VWA3B: variants seen among roughly 807,000 people sequenced by gnomAD.
The protein encoded by VWA3B is von Willebrand factor A domain containing 3B.
In VWA3B, 138 loss-of-function variants were observed where a neutral mutation model predicts 158.3. That is an observed-to-expected ratio of 0.87 (90% confidence interval 0.76 to 1.00). The LOEUF (loss-of-function observed/expected upper bound fraction) is 1.00, where lower values mean the gene tolerates loss of function less well. Ranked by LOEUF, VWA3B falls within the 50% of genes least tolerant of loss-of-function variation. The pLI is 0.00. For synonymous variants in VWA3B, 596 were observed against 587.3 expected (o/e 1.01, Z -0.21); for missense variants, 1,555 against 1,565.1 (o/e 0.99, Z 0.11).
intron 7 of VWA3B, among the ~76,000 whole-genome samples, chr2:98,150,769 C>G (rs899197544): frequency 2.0e-5 from 3 of 152,164 alleles, no homozygotes; most frequent in African/African-American, 7.2e-5. Context: ...TTCTAAAATT[C>G]GATTCATCTC....
intron 12 of VWA3B, among the ~76,000 whole-genome samples, chr2:98,199,379 C>T (rs1328292704): frequency 6.6e-6 from 1 of 152,132 alleles, no homozygotes; most frequent in Non-Finnish European, 1.5e-5. Context: ...TGAGATTTTA[C>T]CTTTCTTGCA....
intron 15 of VWA3B, among the ~76,000 whole-genome samples, chr2:98,229,620 G>T (rs1685188456): frequency 6.6e-6 from 1 of 152,202 alleles, no homozygotes; most frequent in South Asian, 2.1e-4. Context: ...GTGCTTGCTG[G>T]TAGACACTGA....
intron 5 of VWA3B, among the ~76,000 whole-genome samples, chr2:98,124,035 G>A (rs1461824275): frequency 6.6e-6 from 1 of 152,210 alleles, no homozygotes; most frequent in East Asian, 1.9e-4. Context: ...GAGACCAAGT[G>A]AGTGGATTAA....
intron 7 of VWA3B, among the ~76,000 whole-genome samples, chr2:98,139,906 C>T (rs1317432907): frequency 1.3e-5 from 2 of 152,172 alleles, no homozygotes; most frequent in African/African-American, 4.8e-5. Context: ...CTTGCTACTG[C>T]TCACTCTTTG....
rs764792139 is a variant in VWA3B at position 98,303,729 on chromosome 2, A to C, written c.3448A>C (p.Lys1150Gln). 52 of 1,614,040 alleles carry C rather than the reference A, an allele frequency of 3.2e-5. No homozygotes were observed. Among genetic ancestry groups the C allele is most frequent in the Non-Finnish European group, 4.1e-5 (48 of 1,180,036 alleles). Reference protein sequence around the residue: ...REFCPRSALIKISQNKYALSC... With the variant: ...REFCPRSALIQISQNKYALSC... ...ATTTTGCCCTCGGAGTGCACTTATT[A>C]AGATCAGCCAAAACAAGTATGCGCT... The change falls in exon 26 of 28, where the codon AAG becomes CAG. Residue 1150 changes from lysine (K) to glutamine (Q), a missense_variant. Coordinates refer to ENST00000477737, the MANE Select transcript of VWA3B (RefSeq NM_144992.5).
At chr2:98,101,969 G>C (rs1683106918) in intron 2 of VWA3B, among the ~76,000 whole-genome samples, 1 of 152,128 alleles carries the variant, frequency 6.6e-6, no homozygotes, top group Admixed American at 6.6e-5. Context: ...AAGGTCAGCA[G>C]ATAAACACGT....
intron 7 of VWA3B, among the ~76,000 whole-genome samples, chr2:98,139,287 G>A (rs1397725431): frequency 7.9e-5 from 12 of 152,182 alleles, no homozygotes. Flanking sequence ...GCCTTCCCCC[G>A]CCTCCGTGGG....
intron 7 of VWA3B, among the ~76,000 whole-genome samples, chr2:98,155,510 G>A (rs201057729): frequency 9.2e-5 from 14 of 152,086 alleles, no homozygotes; most frequent in East Asian, 5.8e-4. Flanking sequence ...TCTGAGCCTC[G>A]GTGTGCTCAT....
In VWA3B at chr2:98,172,294, A is replaced by G. The variant is rs138029631; in HGVS notation, c.1115-8722A>G. Reference sequence around the variant, plus strand: ...TTCCCCTGGAGTCAGGCGGCTTGGCAGCCTGGGCTCTCCTCTGACTGCCCC... The same window carrying G: ...TTCCCCTGGAGTCAGGCGGCTTGGCGGCCTGGGCTCTCCTCTGACTGCCCC... On this transcript the variant is annotated intron_variant, in intron 8 of 27. Transcript: ENST00000477737. Among the ~76,000 whole-genome samples, 1,155 of 152,286 alleles carry G rather than the reference A, an allele frequency of 7.6e-3. 11 individuals are homozygous for G. The highest frequency in any genetic ancestry group is 0.026 in the African/African-American group (1,087 of 41,546).
Position 98,188,089 on chromosome 2 carries a change from A to T in VWA3B, c.1426A>T (p.Ser476Cys), listed in dbSNP as rs924643255. ...NITKEKCKWY[S>C]ERIHTALARI... is the part of the protein sequence containing the mutation. The stretch of plus-strand genomic sequence containing the variant: ...TACCAAAGAGAAGTGCAAGTGGTAC[A>T]GTGAGAGAATCCACACAGCCCTGGC... Residue 476 changes from serine to cysteine, a missense_variant, in exon 10 of 28, where the codon AGT (serine) becomes TGT (cysteine). Transcript: ENST00000477737. 2.2e-5 allele frequency: 36 copies of T among 1,613,990 alleles called. No individual in the cohort carries two copies. The highest frequency in any genetic ancestry group is 3.0e-5 in the Non-Finnish European group (35 of 1,179,908).
chr2:98,122,004 G>T (rs575238202), intron 5 of VWA3B: 10 of 152,668 alleles, frequency 6.6e-5, no homozygotes, highest in African/African-American at 2.4e-4. Context: ...TGAAGTACGC[G>T]CAAGCTGATG....
intron 12 of VWA3B, among the ~76,000 whole-genome samples, chr2:98,202,601 T>A (rs906578611): frequency 2.0e-5 from 3 of 152,154 alleles, no homozygotes; most frequent in Non-Finnish European, 4.4e-5. Flanking sequence ...ATGATATAAA[T>A]GCCACCCCCA....
At position 98,170,430 on chromosome 2, in the gene VWA3B, A is replaced by G. The variant is rs376645843; in HGVS notation, c.1114+7454A>G. On this transcript the variant is annotated intron_variant, in intron 8 of 27. Transcript: ENST00000477737. The stretch of plus-strand genomic sequence containing the variant: ...AAGACAAGGAAATGGCTGAAGGTTC[A>G]TTCAGGCTCTGCAGGCAGTTGCAAC... Among the ~76,000 whole-genome samples the G allele has an allele frequency of 3.2e-4, 49 of 152,336 alleles. No individual in the cohort carries two copies. The East Asian group carries it at 5.4e-3, about 17-fold the overall frequency.
intron 7 of VWA3B, among the ~76,000 whole-genome samples, chr2:98,153,348 T>C (rs1327459282): frequency 6.6e-6 from 1 of 152,230 alleles, no homozygotes; most frequent in Non-Finnish European, 1.5e-5. Flanking sequence ...GCTACTATAC[T>C]CTACCAGTAT....
chr2:98,092,174 A>G lies in VWA3B; in HGVS notation c.-32-887A>G, dbSNP rs1235969865. Among the ~76,000 whole-genome samples, 6 of 152,224 alleles carry G rather than the reference A, an allele frequency of 3.9e-5. No individual in the cohort carries two copies. In the East Asian group the frequency reaches 1.2e-3, roughly 29 times the overall value. On this transcript the variant is annotated intron_variant, in intron 1 of 27. Coordinates refer to ENST00000477737, the MANE Select transcript of VWA3B (RefSeq NM_144992.5). ...GGTTCCCAACCGCCACCAGCTCCCAATTAGCCACTACACCTGTTCGACAGG... is the reference window on the plus strand; with the variant it reads ...GGTTCCCAACCGCCACCAGCTCCCAGTTAGCCACTACACCTGTTCGACAGG...
At chr2:98,133,308 C>T (rs1208255660) in intron 6 of VWA3B, among the ~76,000 whole-genome samples, 3 of 152,188 alleles carry the variant, frequency 2.0e-5, no homozygotes, top group Non-Finnish European at 4.4e-5. Context: ...GCTTCTCATT[C>T]GTGCTTAAGC....
intron 12 of VWA3B, chr2:98,207,785 C>T: frequency 3.9e-6 from 1 of 255,990 alleles, no homozygotes; most frequent in Non-Finnish European, 7.8e-6. Context: ...CCCTCTCCTT[C>T]CCCTAATCCA....
chr2:98,123,278 G>T (rs1675105681), intron 5 of VWA3B, among the ~76,000 whole-genome samples: 1 of 152,210 alleles, frequency 6.6e-6, no homozygotes, highest in African/African-American at 2.4e-5. Context: ...ACAGCCTGCT[G>T]CAAGTTAGCA....
chr2:98,172,044 G>A (rs573817550), intron 8 of VWA3B, among the ~76,000 whole-genome samples: 19 of 152,364 alleles, frequency 1.2e-4, no homozygotes, highest in African/African-American at 3.1e-4. Context: ...CCCAATGGGC[G>A]TGTGTTACAG....
Sources: gnomAD v4.1 joint callset for allele counts (sites outside exome capture counted in the v4.1 genomes callset) on GRCh38, gnomAD v4.1.1 for gene constraint, MANE v1.5 for transcripts, NCBI Gene and HGNC (gene_info 2026-07-23, HGNC 2026-07-21) for gene names.